The following KCNB2 variants were observed in gnomAD, a reference collection of about 807,000 sequenced individuals.
KCNB2 encodes the protein potassium voltage-gated channel subfamily B member 2.
KCNB2 carries 15 observed loss-of-function variants against 61.5 expected under a neutral mutation model. That is an observed-to-expected ratio of 0.24 (90% CI 0.16 to 0.38). The LOEUF (loss-of-function observed/expected upper bound fraction) is 0.38, where lower values mean the gene tolerates loss of function less well. Ranked by LOEUF, KCNB2 falls within the 10% of genes least tolerant of loss-of-function variation. The pLI, the probability that KCNB2 is intolerant of heterozygous loss-of-function variation, is 1.00. For missense variants in KCNB2, 828 were observed against 1,125.2 expected (o/e 0.74, Z 3.78); for synonymous variants, 457 against 446.0 (o/e 1.02, Z -0.31).
intron 2 of KCNB2, among the ~76,000 whole-genome samples, chr8:72,888,705 TTA>T (rs780744836): frequency 4.6e-5 from 7 of 152,198 alleles, no homozygotes; most frequent in Non-Finnish European, 8.8e-5. Context: ...TAATAAAGGC[TTA>T]TGTCACAATT....
At chr8:72,689,254 A>C (rs1273975121) in intron 2 of KCNB2, among the ~76,000 whole-genome samples, 3 of 152,216 alleles carry the variant, frequency 2.0e-5, no homozygotes, top group African/African-American at 7.2e-5. Context: ...AAAGTCATTT[A>C]GAGACAGGCC....
intron 2 of KCNB2, among the ~76,000 whole-genome samples, chr8:72,662,928 A>G (rs994661174): frequency 6.6e-6 from 1 of 152,166 alleles, no homozygotes; most frequent in African/African-American, 2.4e-5. Context: ...GAAATGTTTG[A>G]TGACATAGAA....
intron 2 of KCNB2, among the ~76,000 whole-genome samples, chr8:72,676,540 A>T (rs1806656626): frequency 6.6e-6 from 1 of 150,464 alleles, no homozygotes; most frequent in African/African-American, 2.4e-5. Flanking sequence ...CACATACTAG[A>T]TCATAACTCC....
At chr8:72,923,627 C>G (rs563930556) in intron 2 of KCNB2, among the ~76,000 whole-genome samples, 339 of 152,116 alleles carry the variant, frequency 2.2e-3, no homozygotes, top group African/African-American at 8.0e-3. Context: ...TGGGGGTGGT[C>G]CATTCAATTG....
intron 2 of KCNB2, among the ~76,000 whole-genome samples, chr8:72,684,237 G>A (rs1806810640): frequency 6.6e-6 from 1 of 152,178 alleles, no homozygotes; most frequent in Non-Finnish European, 1.5e-5. Context: ...CCAAGCGTGT[G>A]GTCACTAATA....
intron 2 of KCNB2, among the ~76,000 whole-genome samples, chr8:72,906,663 G>A (rs1045399949): frequency 6.6e-6 from 1 of 152,134 alleles, no homozygotes; most frequent in Non-Finnish European, 1.5e-5. Flanking sequence ...ACAATGTTTT[G>A]ACTTTTTAAA....
chr8:72,633,809 G>C (rs1805919683), intron 2 of KCNB2, among the ~76,000 whole-genome samples: 1 of 152,156 alleles, frequency 6.6e-6, no homozygotes, highest in South Asian at 2.1e-4. Flanking sequence ...ATTTCATACA[G>C]CTGTGTTAGA....
At chr8:72,861,429 T>C (rs1805405772) in intron 2 of KCNB2, among the ~76,000 whole-genome samples, 1 of 152,202 alleles carries the variant, frequency 6.6e-6, no homozygotes, top group Non-Finnish European at 1.5e-5. Flanking sequence ...ACAGCACCAT[T>C]TCCCGAGGCT....
chr8:72,639,744 G>A (rs13255618), intron 2 of KCNB2, among the ~76,000 whole-genome samples: 59,236 of 151,820 alleles, frequency 0.39, 13,788 homozygotes, highest in Non-Finnish European at 0.52. Flanking sequence ...TGCCAGGCCC[G>A]CCGGAGACCA....
chr8:72,673,068 C>G (rs1222019532), intron 2 of KCNB2, among the ~76,000 whole-genome samples: 1 of 152,150 alleles, frequency 6.6e-6, no homozygotes, highest in Non-Finnish European at 1.5e-5. Context: ...GAATTGAAAG[C>G]AGGGACTCAA....
At chr8:72,639,315 A>C (rs1806015957) in intron 2 of KCNB2, among the ~76,000 whole-genome samples, 1 of 152,166 alleles carries the variant, frequency 6.6e-6, no homozygotes, top group Non-Finnish European at 1.5e-5. Context: ...CAGGACGCCT[A>C]TTGATTAGAC....
At chr8:72,682,077 T>G (rs944237485) in intron 2 of KCNB2, among the ~76,000 whole-genome samples, 2 of 152,246 alleles carry the variant, frequency 1.3e-5, no homozygotes, top group African/African-American at 4.8e-5. Flanking sequence ...TAGACATGTA[T>G]GTTTAGTGTT....
intron 2 of KCNB2, among the ~76,000 whole-genome samples, chr8:72,799,373 T>C (rs2128999368): frequency 6.6e-6 from 1 of 151,232 alleles, no homozygotes; most frequent in Non-Finnish European, 1.5e-5. Flanking sequence ...ACTCAACTCT[T>C]TTTAAATAAA....
chr8:72,601,515 T>A (rs972143890), intron 2 of KCNB2, among the ~76,000 whole-genome samples: 1 of 152,218 alleles, frequency 6.6e-6, no homozygotes, highest in East Asian at 1.9e-4. Context: ...TGTTATTTGT[T>A]TCTTTTTGGT....
intron 2 of KCNB2, among the ~76,000 whole-genome samples, chr8:72,742,165 G>C (rs1314363402): frequency 6.6e-6 from 1 of 152,112 alleles, no homozygotes; most frequent in Non-Finnish European, 1.5e-5. Flanking sequence ...ACATTATATT[G>C]TTATGGTTTC....
chr8:72,579,143 C>G (rs546937308), intron 2 of KCNB2, among the ~76,000 whole-genome samples: 1 of 152,288 alleles, frequency 6.6e-6, no homozygotes, highest in South Asian at 2.1e-4. Flanking sequence ...ATACCTGCTT[C>G]TTAGCTCCTT....
At chr8:72,728,001 A>G (rs1181812036) in intron 2 of KCNB2, among the ~76,000 whole-genome samples, 3 of 152,210 alleles carry the variant, frequency 2.0e-5, no homozygotes, top group Non-Finnish European at 4.4e-5. Context: ...TAATTTGGAA[A>G]GCATAAAAAC....
chr8:72,838,874 T>C (rs1809829296), intron 2 of KCNB2, among the ~76,000 whole-genome samples: 1 of 152,232 alleles, frequency 6.6e-6, no homozygotes, highest in South Asian at 2.1e-4. Context: ...TTTGGGGTAT[T>C]GAATGAGCAA....
chr8:72,638,288 G>A (rs186432150), intron 2 of KCNB2, among the ~76,000 whole-genome samples: 1 of 152,140 alleles, frequency 6.6e-6, no homozygotes, highest in African/African-American at 2.4e-5. Flanking sequence ...AGTGCAACTA[G>A]AGTGAGCACT....
Sources: gnomAD v4.1 joint callset for allele counts (sites outside exome capture counted in the v4.1 genomes callset) on GRCh38, gnomAD v4.1.1 for gene constraint, MANE v1.5 for transcripts, NCBI Gene and HGNC (gene_info 2026-07-23, HGNC 2026-07-21) for gene names.